PARD3B: variants seen among roughly 807,000 people sequenced by gnomAD.
PARD3B encodes partitioning defective 3 homolog B.
PARD3B carries 103 observed loss-of-function variants against 130.2 expected under a neutral mutation model. The ratio of observed to expected loss-of-function variants is 0.79; its 90% CI spans 0.67 to 0.93. The LOEUF (loss-of-function observed/expected upper bound fraction) is 0.93. Among genes scored for constraint, PARD3B ranks in the 40% least tolerant of loss-of-function variants. The pLI is 0.00. For synonymous variants in PARD3B, 583 were observed against 553.2 expected (o/e 1.05, Z -0.76); for missense variants, 1,609 against 1,499.2 (o/e 1.07, Z -1.21).
chr2:205,218,377 A>G (rs1395844742), intron 15 of PARD3B, among the ~76,000 whole-genome samples: 4 of 152,234 alleles, frequency 2.6e-5, no homozygotes, highest in Non-Finnish European at 5.9e-5. Context: ...CATAAATCCA[A>G]GTGTGAAATT....
At position 204,586,393 on chromosome 2, in the gene PARD3B, G is replaced by A. The variant is rs574350655; in HGVS notation, c.120+40274G>A. Among the ~76,000 whole-genome samples the A allele has an allele frequency of 1.2e-4, 19 of 152,224 alleles. No individual in the cohort carries two copies. In the East Asian group the frequency reaches 3.5e-3, roughly 28 times the overall value. On this transcript the variant is annotated intron_variant, in intron 1 of 22. Coordinates refer to ENST00000406610, the MANE Select transcript of PARD3B (RefSeq NM_001302769.2). ...TCTATTTTAACATATGTCACTGAAC[G>A]GCTGTGAGAGTAATTAAAGAGTAAT...
chr2:205,242,919 C>T (rs180888259), intron 15 of PARD3B, among the ~76,000 whole-genome samples: 4 of 152,262 alleles, frequency 2.6e-5, no homozygotes, highest in African/African-American at 7.2e-5. Context: ...GTAATCCCAG[C>T]GCTTTGGGAG....
chr2:205,555,918 T>C (rs2052862067), intron 22 of PARD3B, among the ~76,000 whole-genome samples: 1 of 152,012 alleles, frequency 6.6e-6, no homozygotes. Context: ...GGCTCCAAAT[T>C]AAACTAATGA....
intron 16 of PARD3B, among the ~76,000 whole-genome samples, chr2:205,267,353 A>G (rs1479765922): frequency 7.0e-6 from 1 of 142,198 alleles, no homozygotes; most frequent in African/African-American, 2.6e-5. Flanking sequence ...AGAGAGGGTA[A>G]AACTTACACA....
chr2:205,374,893 G>A (rs899768124), intron 18 of PARD3B, among the ~76,000 whole-genome samples: 3 of 152,166 alleles, frequency 2.0e-5, no homozygotes, highest in African/African-American at 7.2e-5. Flanking sequence ...CACCATGCAT[G>A]AGCACAAAGC....
At position 205,615,964 on chromosome 2, in the gene PARD3B, CAG is replaced by C; in HGVS notation, c.*157_*158del. 1 of 671,028 alleles carries C rather than the reference CAG, an allele frequency of 1.5e-6. No homozygotes were observed. The highest frequency in any genetic ancestry group is 2.4e-6 in the Non-Finnish European group (1 of 409,152). The allele number at this position is 671,028 out of a possible 1,614,324, so 41.6% of individuals were successfully genotyped here. On this transcript the variant is annotated 3_prime_UTR_variant, in exon 23 of 23. Transcript: ENST00000406610. ...GACATTGTAACGCATGACTGCTAAT[CAG>C]AGAGAAAAAGAAGGGGAAGGGAATT...
intron 20 of PARD3B, among the ~76,000 whole-genome samples, chr2:205,476,182 C>T (rs1044591435): frequency 6.6e-6 from 1 of 152,048 alleles, no homozygotes; most frequent in Admixed American, 6.6e-5. Context: ...AAAGAACAGT[C>T]GTCAATTAGC....
At position 204,965,184 on chromosome 2, in the gene PARD3B, C is replaced by G. The variant is rs1049807329; in HGVS notation, c.255C>G (p.Leu85=). Residue 85 remains leucine (L), a synonymous_variant, in exon 3 of 23, where the codon CTC becomes CTG. Coordinates refer to ENST00000406610, the MANE Select transcript of PARD3B (RefSeq NM_001302769.2). ...CTGTGTTTGAAGAACAAGAACCACT[C>G]CACAAGATTGAGAGCCCCAGTGGAA... ...LIAVFEEQEP[L]HKIESPSGNP... 1.8e-5 allele frequency: 29 copies of G among 1,613,812 alleles called. No individual in the cohort carries two copies. In the African/African-American group the frequency reaches 2.8e-4, roughly 16 times the overall value.
chr2:205,350,007 C>T (rs1574774688), intron 18 of PARD3B, among the ~76,000 whole-genome samples: 1 of 152,166 alleles, frequency 6.6e-6, no homozygotes, highest in South Asian at 2.1e-4. Flanking sequence ...GACATAAGGC[C>T]TCTGGTTTGT....
intron 1 of PARD3B, among the ~76,000 whole-genome samples, chr2:204,654,459 A>C (rs2125173195): frequency 6.9e-6 from 1 of 145,224 alleles, no homozygotes; most frequent in Non-Finnish European, 1.5e-5. Flanking sequence ...GTAATGAAGA[A>C]CTCTGCTGGG....
intron 2 of PARD3B, among the ~76,000 whole-genome samples, chr2:204,942,173 CAA>C (rs1490658406): frequency 6.6e-6 from 1 of 152,138 alleles, no homozygotes; most frequent in Non-Finnish European, 1.5e-5. Flanking sequence ...ATGCTTGTTA[CAA>C]ACCAATTGCT....
intron 4 of PARD3B, among the ~76,000 whole-genome samples, chr2:205,077,731 T>C (rs996068036): frequency 2.0e-5 from 3 of 152,124 alleles, no homozygotes; most frequent in East Asian, 1.9e-4. Flanking sequence ...CTGGGATATA[T>C]ATATATATCC....
At chr2:205,002,220 T>C (rs192638738) in intron 3 of PARD3B, among the ~76,000 whole-genome samples, 1 of 152,304 alleles carries the variant, frequency 6.6e-6, no homozygotes, top group African/African-American at 2.4e-5. Flanking sequence ...TTTGGCCGTC[T>C]CTCAAACAGC....
intron 1 of PARD3B, among the ~76,000 whole-genome samples, chr2:204,585,282 T>C (rs1383157727): frequency 6.6e-6 from 1 of 152,198 alleles, no homozygotes; most frequent in South Asian, 2.1e-4. Flanking sequence ...TCTAATGTAC[T>C]GAGGTCTTGT....
chr2:205,089,997 G>A (rs1485571341), intron 4 of PARD3B, among the ~76,000 whole-genome samples: 2 of 152,180 alleles, frequency 1.3e-5, no homozygotes. Flanking sequence ...CAAGTGAAGA[G>A]GTGATTTGCT....
chr2:205,214,822 C>T (rs895460069), intron 15 of PARD3B, among the ~76,000 whole-genome samples: 5 of 152,030 alleles, frequency 3.3e-5, no homozygotes, highest in African/African-American at 9.7e-5. Context: ...AATTAACTAA[C>T]CCATTAGATA....
At chr2:205,508,962 A>ATTT (rs199907976) in intron 21 of PARD3B, among the ~76,000 whole-genome samples, 2 of 141,020 alleles carry the variant, frequency 1.4e-5, no homozygotes, top group Non-Finnish European at 3.1e-5. Context: ...AATAAACTGA[A>ATTT]TTTTTTTTTT....
chr2:204,956,516 T>TTGTGTGTG lies in PARD3B; in HGVS notation c.223-8616_223-8609dup, dbSNP rs113818336. On this transcript the variant is annotated intron_variant, in intron 2 of 22. Transcript: ENST00000406610. ...TAAGATTAACTTGAAGAAAAACTAC[T>TTGTGTGTG]TGTGTGTGTGTGTGTGTGTGTGTGT... Among the ~76,000 whole-genome samples, 415 of 148,220 alleles carry TTGTGTGTG rather than the reference T, an allele frequency of 2.8e-3. 2 individuals carry two copies. The highest frequency in any genetic ancestry group is 7.4e-3 in the African/African-American group (298 of 40,528).
chr2:205,596,790 G>A lies in PARD3B; in HGVS notation c.3261-18666G>A, dbSNP rs182358558. Among the ~76,000 whole-genome samples, 749 of 152,204 alleles carry A rather than the reference G, an allele frequency of 4.9e-3. 7 individuals are homozygous for A. The highest frequency in any genetic ancestry group is 0.017 in the African/African-American group (719 of 41,528). ...AGGTGGCACTCTGGGACCAAGCTAT[G>A]CCTCCTTCCTGCCCTCCCTGCAATT... On this transcript the variant is annotated intron_variant, in intron 22 of 22. Transcript: ENST00000406610.
Sources: gnomAD v4.1 joint callset for allele counts (sites outside exome capture counted in the v4.1 genomes callset) on GRCh38, gnomAD v4.1.1 for gene constraint, MANE v1.5 for transcripts, NCBI Gene and HGNC (gene_info 2026-07-23, HGNC 2026-07-21) for gene names.